Variants in PCDHGA12 observed in about 807,000 individuals in gnomAD.
The protein encoded by PCDHGA12 is protocadherin gamma subfamily A, 12, also known as protocadherin gamma-A12.
Under a neutral mutation model 61.1 loss-of-function variants are expected in PCDHGA12, and 43 were observed. That is an observed-to-expected ratio of 0.70 (90% CI 0.55 to 0.91). The LOEUF (loss-of-function observed/expected upper bound fraction) is 0.91, where lower values mean the gene tolerates loss of function less well. PCDHGA12 is among the 40% of genes least tolerant of loss of function. PCDHGA12 has a pLI of 0.00. For synonymous variants in PCDHGA12, 520 were observed against 542.9 expected (o/e 0.96, Z 0.59); for missense variants, 1,236 against 1,227.7 (o/e 1.01, Z -0.10).
chr5:141,481,842 T>C (rs1402237517), intron 1 of PCDHGA12, among the ~76,000 whole-genome samples: 1 of 144,038 alleles, frequency 6.9e-6, no homozygotes, highest in Non-Finnish European at 1.5e-5. Flanking sequence ...AATCGCTTGA[T>C]GGTGGAGGTT....
intron 3 of PCDHGA12, among the ~76,000 whole-genome samples, chr5:141,506,138 G>T (rs983643755): frequency 6.6e-6 from 1 of 152,134 alleles, no homozygotes; most frequent in African/African-American, 2.4e-5. Flanking sequence ...AGGAGAAGAA[G>T]AATATCATTT....
intron 1 of PCDHGA12, chr5:141,441,387 G>A (rs2098243952): frequency 6.5e-6 from 1 of 153,712 alleles, no homozygotes; most frequent in Non-Finnish European, 1.5e-5. Flanking sequence ...CAGACCCAAG[G>A]TATAACATCA....
intron 1 of PCDHGA12, among the ~76,000 whole-genome samples, chr5:141,438,764 C>A (rs963627140): frequency 6.7e-6 from 1 of 148,638 alleles, no homozygotes; most frequent in Non-Finnish European, 1.5e-5. Flanking sequence ...TGGGTTCAAG[C>A]GATTCTCCTG....
Position 141,474,403 on chromosome 5 carries a change from C to T in PCDHGA12, c.2425-20404C>T, listed in dbSNP as rs553745731. ...ATTTCTGCATTTCTAACAAGCTCCC[C>T]GGTGATGCCTAGACCATTGGTCCTC... is the stretch of plus-strand genomic sequence containing the variant. On this transcript the variant is annotated intron_variant, in intron 1 of 3. Coordinates refer to ENST00000252085, the MANE Select transcript of PCDHGA12 (RefSeq NM_003735.3). Among the ~76,000 whole-genome samples, 121 of 152,282 alleles carry T rather than the reference C, an allele frequency of 7.9e-4. 1 individual carries two copies. Among genetic ancestry groups the T allele is most frequent in the Admixed American group, 3.9e-3 (59 of 15,292 alleles).
In PCDHGA12 at chr5:141,489,077, C is replaced by CCCCCCACCGGG; in HGVS notation, c.2425-5730_2425-5729insCCCCCACCGGG. ...AGCTCCCCTCCCCCCTGCCCACCCCCGCCACTCGGTGACTAAGAACTGCTG... is the reference window on the plus strand; with the variant it reads ...AGCTCCCCTCCCCCCTGCCCACCCCCCCCCCACCGGGGCCACTCGGTGACTAAGAACTGCTG... On this transcript the variant is annotated intron_variant, in intron 1 of 3. Transcript: ENST00000252085. The surrounding 1 kb of genome is among the most constrained non-coding windows in gnomAD (Gnocchi z 4.5). 6.1e-6 allele frequency: 2 copies of CCCCCCACCGGG among 325,756 alleles called. No individual in the cohort carries two copies. Among genetic ancestry groups the CCCCCCACCGGG allele is most frequent in the Non-Finnish European group, 5.5e-6 (1 of 181,460 alleles). The allele number at this position is 325,756 out of a possible 1,614,324, so 20.2% of individuals were successfully genotyped here.
chr5:141,450,908 G>A (rs1248622378), intron 1 of PCDHGA12, among the ~76,000 whole-genome samples: 12 of 147,640 alleles, frequency 8.1e-5, no homozygotes, highest in East Asian at 6.0e-4. Flanking sequence ...CACTGCAACC[G>A]CTGCCTCCCA....
intron 2 of PCDHGA12, among the ~76,000 whole-genome samples, chr5:141,504,794 A>G (rs2099841154): frequency 6.6e-6 from 1 of 151,718 alleles, no homozygotes; most frequent in African/African-American, 2.4e-5. Flanking sequence ...GGCCTCCTAC[A>G]TCTCCCCCTA....
In PCDHGA12 at chr5:141,511,364, T is replaced by C. The variant is rs115159796; in HGVS notation, c.*191T>C. The C allele has an allele frequency of 4.6e-4, 610 of 1,317,098 alleles. 5 individuals are homozygous for C. In the African/African-American group the frequency reaches 7.1e-3, roughly 15 times the overall value. The allele number at this position is 1,317,098 out of a possible 1,614,324, so 81.6% of individuals were successfully genotyped here. On this transcript the variant is annotated 3_prime_UTR_variant, in exon 4 of 4. Coordinates refer to ENST00000252085, the MANE Select transcript of PCDHGA12 (RefSeq NM_003735.3). ...ACCCCTTCCCCCCCAGGGGGTTGAA[T>C]ATGCAAAAGCAGTTCCGCTGGGAAC...
chr5:141,480,217 G>A (rs1443825272), intron 1 of PCDHGA12, among the ~76,000 whole-genome samples: 2 of 147,950 alleles, frequency 1.4e-5, no homozygotes, highest in Non-Finnish European at 3.0e-5. Context: ...CAGCCTGAGC[G>A]ACATAGTGAG....
chr5:141,482,998 T>C (rs1458221945), intron 1 of PCDHGA12, among the ~76,000 whole-genome samples: 1 of 152,008 alleles, frequency 6.6e-6, no homozygotes, highest in Non-Finnish European at 1.5e-5. Flanking sequence ...GGCAGGAGAA[T>C]TGCTTGAACC....
intron 1 of PCDHGA12, among the ~76,000 whole-genome samples, chr5:141,460,003 A>AG (rs1177398494): frequency 6.6e-6 from 1 of 152,186 alleles, no homozygotes; most frequent in African/African-American, 2.4e-5. Context: ...GCTTGAACCC[A>AG]GGAGGCGGAG....
chr5:141,489,210 G>C lies in PCDHGA12; in HGVS notation c.2425-5597G>C. ...TCTACCTTGGAGACAGGACAGCACA[G>C]ACTTACTCTCCACAAAGGGACTTCT... On this transcript the variant is annotated intron_variant, in intron 1 of 3. Coordinates refer to ENST00000252085, the MANE Select transcript of PCDHGA12 (RefSeq NM_003735.3). This position sits in a 1 kb window ranked among gnomAD's most constrained non-coding sequence, Gnocchi z 4.5. 6.8e-7 allele frequency: 1 copy of C among 1,461,860 alleles called. No individual in the cohort carries two copies. Among genetic ancestry groups the C allele is most frequent in the African/African-American group, 1.4e-5 (1 of 70,802 alleles). 90.6% of individuals were successfully genotyped at this position (1,461,860 alleles called of 1,614,324 possible).
intron 1 of PCDHGA12, among the ~76,000 whole-genome samples, chr5:141,444,192 A>ATT: frequency 1.9e-5 from 1 of 52,730 alleles, no homozygotes; most frequent in African/African-American, 7.7e-5. Flanking sequence ...TTTTTTTGAG[A>ATT]TGGAGTTTCA....
rs1446432461 is a variant in PCDHGA12, at chr5:141,511,005, C to G, written c.2631C>G (p.Ala877=). 6.2e-7 allele frequency: 1 copy of G among 1,614,176 alleles called. No individual in the cohort carries two copies. Among genetic ancestry groups the G allele is most frequent in the Middle Eastern group, 1.6e-4 (1 of 6,062 alleles). ...GGGAGTMGLS[A]RYGPQFTLQH... is the part of the protein sequence containing the mutation. ...GTGCCGGCACCATGGGATTGAGCGC[C>G]CGCTACGGACCCCAGTTCACCCTGC... Residue 877 remains alanine, a synonymous_variant, in exon 4 of 4, where the codon GCC becomes GCG. Coordinates refer to ENST00000252085, the MANE Select transcript of PCDHGA12 (RefSeq NM_003735.3).
In PCDHGA12 at chr5:141,445,206, A is replaced by G. The variant is rs1244524491; in HGVS notation, c.2424+12023A>G. On this transcript the variant is annotated intron_variant, in intron 1 of 3. Transcript: ENST00000252085. ...TTTTTATGTATTCTATATGCTTTTGAAAAGTAAGAGGTGCAAAGTGCTCTA... is the reference window on the plus strand; with the variant it reads ...TTTTTATGTATTCTATATGCTTTTGGAAAGTAAGAGGTGCAAAGTGCTCTA... 3.3e-5 allele frequency among the ~76,000 whole-genome samples: 5 copies of G among 152,182 alleles called. No individual in the cohort carries two copies. The East Asian group carries it at 7.7e-4, about 23-fold the overall frequency.
At position 141,485,331 on chromosome 5, in the gene PCDHGA12, T is replaced by G; in HGVS notation, c.2425-9476T>G. 6.2e-7 allele frequency: 1 copy of G among 1,614,166 alleles called. No individual in the cohort carries two copies. Among genetic ancestry groups the G allele is most frequent in the Admixed American group, 1.7e-5 (1 of 60,022 alleles). Reference sequence around the variant, plus strand: ...GTAGGGAATGTCGCTCAAGATTTCCTGCTGGATACGGACAGTCTGTCAGCT... The same window carrying G: ...GTAGGGAATGTCGCTCAAGATTTCCGGCTGGATACGGACAGTCTGTCAGCT... On this transcript the variant is annotated intron_variant, in intron 1 of 3. Coordinates refer to ENST00000252085, the MANE Select transcript of PCDHGA12 (RefSeq NM_003735.3). The surrounding 1 kb of genome is among the most constrained non-coding windows in gnomAD (Gnocchi z 5.7).
chr5:141,510,252 G>A (rs1342841474), intron 3 of PCDHGA12, among the ~76,000 whole-genome samples: 4 of 148,432 alleles, frequency 2.7e-5, no homozygotes, highest in Admixed American at 1.3e-4. Context: ...CAGGCTGGGC[G>A]ACAGAGCAGG....
chr5:141,501,130 G>C (rs528942194), intron 2 of PCDHGA12, among the ~76,000 whole-genome samples: 1 of 152,218 alleles, frequency 6.6e-6, no homozygotes, highest in South Asian at 2.1e-4. Flanking sequence ...GCCTCCCTAA[G>C]TGCTGGGATT....
intron 1 of PCDHGA12, among the ~76,000 whole-genome samples, chr5:141,492,167 C>T (rs565536989): frequency 6.6e-6 from 1 of 152,344 alleles, no homozygotes; most frequent in East Asian, 1.9e-4. Context: ...CCTATCCCCG[C>T]ATCACCCAAC....
Sources: gnomAD v4.1 joint callset for allele counts (sites outside exome capture counted in the v4.1 genomes callset) on GRCh38, gnomAD v4.1.1 for gene constraint, Gnocchi (gnomAD v3.1) non-coding constraint, MANE v1.5 for transcripts, NCBI Gene and HGNC (gene_info 2026-07-23, HGNC 2026-07-21) for gene names.